The following CHD7 variants were observed in gnomAD, a reference collection of about 807,000 sequenced individuals.
CHD7 encodes chromodomain helicase DNA binding protein 7, also known as ATP-dependent chromatin remodeler CHD7.
A neutral mutation model predicts 307.3 loss-of-function variants in CHD7; 24 were observed. The ratio of observed to expected loss-of-function variants is 0.08; its 90% CI spans 0.06 to 0.11. The LOEUF (loss-of-function observed/expected upper bound fraction) is 0.11. CHD7 is among the 10% of genes least tolerant of loss of function. The pLI is 1.00. For missense variants in CHD7, 3,106 were observed against 3,727.1 expected (o/e 0.83, Z 4.34); for synonymous variants, 1,363 against 1,349.9 (o/e 1.01, Z -0.21).
chr8:60,852,924 C>G lies in CHD7; in HGVS notation c.6199C>G (p.Gln2067Glu), dbSNP rs766862122. Residue 2067 changes from glutamine (Q) to glutamate (E), a missense_variant, in exon 31 of 38, where the codon CAG becomes GAG. Gln to Glu is a conservative substitution (Grantham distance 29). Around this residue, in one of 10 missense-constraint regions of CHD7, gnomAD observed 1,030 missense variants for 1,165.4 expected, o/e 0.88. Transcript: ENST00000423902. ...RIELLRKIRE[Q>E]VLHHPQLGER... ...TGAGCTGCTACGGAAGATCCGCGAG[C>G]AGGTTCTCCATCACCCCCAGCTGGG... The G allele has an allele frequency of 4.3e-6, 7 of 1,613,988 alleles. No individual in the cohort carries two copies. The Admixed American group carries it at 1.0e-4, about 23-fold the overall frequency.
intron 2 of CHD7, among the ~76,000 whole-genome samples, chr8:60,776,212 G>A (rs1810943937): frequency 6.6e-6 from 1 of 152,142 alleles, no homozygotes; most frequent in Non-Finnish European, 1.5e-5. Context: ...TTAAGAATGA[G>A]CTGAATAAAA....
chr8:60,824,079 C>A, intron 13 of CHD7, 63 bp downstream of exon 13: 2 of 1,425,320 alleles, frequency 1.4e-6, no homozygotes, highest in Non-Finnish European at 1.9e-6. Flanking sequence ...TTGATAGTCC[C>A]GTTGCTCAGA....
chr8:60,813,726 A>G (rs577105985), intron 7 of CHD7, among the ~76,000 whole-genome samples: 1 of 152,102 alleles, frequency 6.6e-6, no homozygotes, highest in Non-Finnish European at 1.5e-5. Flanking sequence ...CCAACCTTGC[A>G]TTCCTGAAAT....
intron 11 of CHD7, 73 bp from the exon 12 acceptor site, chr8:60,822,430 A>G (rs918966735): frequency 2.1e-6 from 3 of 1,427,754 alleles, no homozygotes; most frequent in Admixed American, 3.6e-5. Flanking sequence ...ACAATGGTAT[A>G]TATTTTGTGA....
rs1382370878 is a variant in CHD7 at position 60,741,872 on chromosome 8, C to T, written c.440C>T (p.Pro147Leu). ...GTGGACAGCAGCTCCATGTGGGGCCCCAGGGCTGTTCAGGTACCAGACCAG... is the reference window on the plus strand; with the variant it reads ...GTGGACAGCAGCTCCATGTGGGGCCTCAGGGCTGTTCAGGTACCAGACCAG... Reference protein sequence around the residue: ...SFVDSSSMWGPRAVQVPDQIR... With the variant: ...SFVDSSSMWGLRAVQVPDQIR... The change falls in exon 2 of 38, where the codon CCC becomes CTC. Residue 147 changes from proline to leucine, a missense_variant. Pro to Leu is a moderately conservative substitution (Grantham distance 98, BLOSUM62 -3). Transcript: ENST00000423902. The T allele has an allele frequency of 6.2e-7, 1 of 1,613,738 alleles. No individual in the cohort carries two copies. The highest frequency in any genetic ancestry group is 8.5e-7 in the Non-Finnish European group (1 of 1,179,806).
At chr8:60,687,047 C>T (rs1426025774) in intron 1 of CHD7, among the ~76,000 whole-genome samples, 1 of 152,230 alleles carries the variant, frequency 6.6e-6, no homozygotes, top group Non-Finnish European at 1.5e-5. Flanking sequence ...TCCCAAGTAG[C>T]TGGGATTACT....
chr8:60,831,223 GTAAA>G (rs1804506667), intron 15 of CHD7, among the ~76,000 whole-genome samples: 1 of 152,100 alleles, frequency 6.6e-6, no homozygotes, highest in African/African-American at 2.4e-5. Flanking sequence ...GAATGCAAAG[GTAAA>G]TAAGAAGGGA....
At position 60,699,099 on chromosome 8, in the gene CHD7, T is replaced by C. The variant is rs143182818; in HGVS notation, c.-175+20017T>C. Among the ~76,000 whole-genome samples, 74 of 152,332 alleles carry C rather than the reference T, an allele frequency of 4.9e-4. 1 individual carries two copies. The highest frequency in any genetic ancestry group is 6.8e-3 in the Middle Eastern group (2 of 294). Reference sequence around the variant, plus strand: ...CATAACACATTTCTTGGTGTTATAGTGAACAGTATGCAACTTGAGAGCAAT... The same window carrying C: ...CATAACACATTTCTTGGTGTTATAGCGAACAGTATGCAACTTGAGAGCAAT... On this transcript the variant is annotated intron_variant, in intron 1 of 37. Coordinates refer to ENST00000423902, the MANE Select transcript of CHD7 (RefSeq NM_017780.4).
intron 2 of CHD7, among the ~76,000 whole-genome samples, chr8:60,771,683 C>A (rs1810718852): frequency 6.6e-6 from 1 of 151,956 alleles, no homozygotes; most frequent in South Asian, 2.1e-4. Context: ...GGAGTCTTGA[C>A]TGGGGAGGAA....
intron 19 of CHD7, among the ~76,000 whole-genome samples, 182 bp from the exon 20 acceptor site, chr8:60,841,462 G>C (rs906836288): frequency 5.9e-5 from 9 of 152,268 alleles, no homozygotes; most frequent in African/African-American, 2.2e-4. Flanking sequence ...TCTTGGTTTG[G>C]TCTCAGGCCC....
rs749427566 is a variant in CHD7, at chr8:60,828,628, C to A, written c.3379-35C>A. The A allele has an allele frequency of 7.6e-6, 12 of 1,571,302 alleles. No homozygotes were observed. In the South Asian group the frequency reaches 1.3e-4, roughly 17 times the overall value. The stretch of plus-strand genomic sequence containing the variant: ...TGGTTTTAAGAAAGTGTTTTTGTTA[C>A]AATTTGGTTAGTGGCTTTCCTTGTG... On this transcript the variant is annotated intron_variant, in intron 13 of 37. Transcript: ENST00000423902.
intron 2 of CHD7, among the ~76,000 whole-genome samples, chr8:60,752,213 C>G (rs1181538777): frequency 6.6e-6 from 1 of 152,086 alleles, no homozygotes. Context: ...AGGGTGTAAG[C>G]AAGTGTTATT....
At chr8:60,849,858 C>A (rs964111570) in intron 25 of CHD7, among the ~76,000 whole-genome samples, 2 of 152,310 alleles carry the variant, frequency 1.3e-5, no homozygotes, top group South Asian at 4.1e-4. Flanking sequence ...TGCCTATGTA[C>A]TGCAGCCACA....
intron 1 of CHD7, among the ~76,000 whole-genome samples, chr8:60,699,701 T>C (rs1385452827): frequency 2.0e-5 from 3 of 152,120 alleles, no homozygotes; most frequent in African/African-American, 4.8e-5. Context: ...TTAAGGAGTT[T>C]CTAGTCCATC....
At chr8:60,744,069 G>T (rs1809196634) in intron 2 of CHD7, among the ~76,000 whole-genome samples, 1 of 152,204 alleles carries the variant, frequency 6.6e-6, no homozygotes. Context: ...TGTCCAGAGA[G>T]AGGAAATAAC....
At chr8:60,690,010 G>A (rs778370116) in intron 1 of CHD7, among the ~76,000 whole-genome samples, 11 of 152,126 alleles carry the variant, frequency 7.2e-5, no homozygotes, top group African/African-American at 1.2e-4. Flanking sequence ...TCGTATTTGC[G>A]TTAACTTGTG....
intron 1 of CHD7, among the ~76,000 whole-genome samples, chr8:60,697,256 G>T (rs1806525255): frequency 6.6e-6 from 1 of 152,166 alleles, no homozygotes; most frequent in Non-Finnish European, 1.5e-5. Context: ...CCTTGGAATT[G>T]TATCTTTCTC....
chr8:60,824,088 G>A lies in CHD7; in HGVS notation c.3378+72G>A, dbSNP rs1241688075. On this transcript the variant is annotated intron_variant, in intron 13 of 37. Coordinates refer to ENST00000423902, the MANE Select transcript of CHD7 (RefSeq NM_017780.4). ...GCTGACTTGATAGTCCCGTTGCTCAGAATTTGATGCCTGTAAACAGTATTT... is the reference window on the plus strand; with the variant it reads ...GCTGACTTGATAGTCCCGTTGCTCAAAATTTGATGCCTGTAAACAGTATTT... 5 of 1,294,350 alleles carry A rather than the reference G, an allele frequency of 3.9e-6. No individual in the cohort carries two copies. The African/African-American group carries it at 7.3e-5, about 19-fold the overall frequency. The allele number at this position is 1,294,350 out of a possible 1,614,324, so 80.2% of individuals were successfully genotyped here. A position where few individuals can be genotyped will look rare whatever the true frequency, so the allele number is the denominator to read the frequency against.
chr8:60,813,270 G>C (rs1247108517), intron 7 of CHD7, among the ~76,000 whole-genome samples: 1 of 152,004 alleles, frequency 6.6e-6, no homozygotes, highest in Non-Finnish European at 1.5e-5. Flanking sequence ...CTACATTGCT[G>C]GATTATTTTA....
Sources: gnomAD v4.1 joint callset for allele counts (sites outside exome capture counted in the v4.1 genomes callset) on GRCh38, gnomAD v4.1.1 for gene constraint, gnomAD v4.1.1 regional missense constraint, MANE v1.5 for transcripts, NCBI Gene and HGNC (gene_info 2026-07-23, HGNC 2026-07-21) for gene names.